AMMECR1: variants seen among roughly 807,000 people sequenced by gnomAD.
AMMECR1 encodes AMMECR nuclear protein 1, also known as nuclear protein AMMECR1.
In AMMECR1, 3 loss-of-function variants were observed where a neutral mutation model predicts 22.5. The observed-to-expected ratio is 0.13, with a 90% CI of 0.06 to 0.35. The LOEUF is 0.35. Among genes scored for constraint, AMMECR1 ranks in the 10% least tolerant of loss-of-function variants. The probability of loss-of-function intolerance (pLI) is 1.00; values close to 1 mark genes in which losing one functional copy is unlikely to be tolerated. For synonymous variants in AMMECR1, 130 were observed against 116.7 expected (o/e 1.11, Z -0.74); for missense variants, 235 against 278.7 (o/e 0.84, Z 1.12).
At chrX:110,306,240 G>A (rs1313161637) in intron 1 of AMMECR1, among the ~76,000 whole-genome samples, 2 of 110,009 alleles carry the variant, frequency 1.8e-5, no homozygotes, top group African/African-American at 3.3e-5. Flanking sequence ...CTTGCAGTGA[G>A]CCAAGATCAC....
chrX:110,218,169 G>A (rs1353883494), intron 2 of AMMECR1, among the ~76,000 whole-genome samples: 5 of 110,712 alleles, frequency 4.5e-5, no homozygotes, highest in Non-Finnish European at 7.6e-5. Flanking sequence ...AGATAAAGAC[G>A]TGTGTGTGTA....
intron 1 of AMMECR1, among the ~76,000 whole-genome samples, chrX:110,290,502 AT>A (rs1250562961): frequency 8.9e-6 from 1 of 111,749 alleles, no homozygotes; most frequent in African/African-American, 3.2e-5. Flanking sequence ...TAGAAAACAC[AT>A]TTTTTTTAAA....
chrX:110,264,722 G>A, intron 1 of AMMECR1, 123 bp from the exon 2 acceptor site: 1 of 481,747 alleles, frequency 2.1e-6, no homozygotes, highest in Non-Finnish European at 3.5e-6. Flanking sequence ...GGCCTTCAAG[G>A]GGCTCACAGG....
In AMMECR1 at chrX:110,231,014, A is replaced by G. The variant is rs187791548; in HGVS notation, c.585-14382T>C. 3.4e-3 allele frequency among the ~76,000 whole-genome samples: 379 copies of G among 112,158 alleles called. 4 individuals carry two copies. The highest frequency in any genetic ancestry group is 0.012 in the African/African-American group (361 of 30,905). On this transcript the variant is annotated intron_variant, in intron 2 of 5. Transcript: ENST00000262844. ...GTAAGAAACAAACAAAGCCTCCAAG[A>G]AATATGGGACTATGTCAAAAGACCA...
At chrX:110,384,147 T>C (rs2068438942) in intron 2 of AMMECR1, among the ~76,000 whole-genome samples, 1 of 111,753 alleles carries the variant, frequency 8.9e-6, no homozygotes, top group African/African-American at 3.3e-5. Flanking sequence ...TACTTAACTT[T>C]TGCTGTGTCT....
intron 2 of AMMECR1, among the ~76,000 whole-genome samples, chrX:110,339,058 T>C (rs1286604179): frequency 8.9e-6 from 1 of 111,738 alleles, no homozygotes; most frequent in Non-Finnish European, 1.9e-5. Flanking sequence ...CTAAGGAGGC[T>C]GGGACCTTTG....
chrX:110,326,665 T>C (rs959330954), intron 2 of AMMECR1, among the ~76,000 whole-genome samples: 8 of 112,141 alleles, frequency 7.1e-5, no homozygotes, highest in South Asian at 3.7e-4. Flanking sequence ...TGTTTCCTTA[T>C]TGAGGTGCAG....
At chrX:110,284,213 G>C (rs751202411) in intron 1 of AMMECR1, among the ~76,000 whole-genome samples, 13 of 112,166 alleles carry the variant, frequency 1.2e-4, no homozygotes, top group Non-Finnish European at 1.1e-4. Flanking sequence ...GGAAAAGCTG[G>C]TTAAGTCATG....
chrX:110,393,579 G>T (rs1426995972), intron 2 of AMMECR1, among the ~76,000 whole-genome samples: 1 of 111,707 alleles, frequency 9.0e-6, no homozygotes, highest in Non-Finnish European at 1.9e-5. Context: ...TCATCCCACT[G>T]GTGCCTCTAA....
At chrX:110,210,469 T>C (rs2067442542) in intron 3 of AMMECR1, among the ~76,000 whole-genome samples, 1 of 111,477 alleles carries the variant, frequency 9.0e-6, no homozygotes, top group Admixed American at 9.5e-5. Context: ...ACATAACATA[T>C]ACAACCAGAA....
intron 2 of AMMECR1, among the ~76,000 whole-genome samples, chrX:110,335,559 CG>C (rs1210441228): frequency 1.8e-5 from 2 of 111,595 alleles, no homozygotes; most frequent in African/African-American, 3.3e-5. Flanking sequence ...CAGCCCACCA[CG>C]GACAGCTTAG....
At chrX:110,238,457 C>T (rs1186585559) in intron 2 of AMMECR1, among the ~76,000 whole-genome samples, 3 of 112,313 alleles carry the variant, frequency 2.7e-5, no homozygotes, top group East Asian at 5.6e-4. Flanking sequence ...TGGAGGCCAC[C>T]GCAGCTCAGC....
chrX:110,384,528 T>G (rs2068441594), intron 2 of AMMECR1, among the ~76,000 whole-genome samples: 1 of 111,856 alleles, frequency 8.9e-6, no homozygotes, highest in African/African-American at 3.3e-5. Context: ...CCCTTTGCAT[T>G]TAACTTAATA....
chrX:110,249,303 TCA>T (rs748731191), intron 2 of AMMECR1, among the ~76,000 whole-genome samples: 8 of 110,691 alleles, frequency 7.2e-5, no homozygotes, highest in Admixed American at 3.8e-4. Flanking sequence ...TAAGAAGCTT[TCA>T]CCAGGGAAGG....
At chrX:110,340,752 C>T (rs1360862219) in intron 2 of AMMECR1, among the ~76,000 whole-genome samples, 1 of 112,444 alleles carries the variant, frequency 8.9e-6, no homozygotes, top group African/African-American at 3.2e-5. Context: ...GAAAATAATT[C>T]AATGGAGATT....
chrX:110,229,353 CTACTT>C (rs1283678031), intron 2 of AMMECR1, among the ~76,000 whole-genome samples: 1 of 112,024 alleles, frequency 8.9e-6, no homozygotes, highest in African/African-American at 3.2e-5. Context: ...TGAAAAGGTC[CTACTT>C]TACTTTTGTT....
At chrX:110,387,519 G>A (rs907389906) in intron 2 of AMMECR1, among the ~76,000 whole-genome samples, 1 of 112,040 alleles carries the variant, frequency 8.9e-6, no homozygotes, top group Admixed American at 9.5e-5. Context: ...AGACTTCCTA[G>A]AATCATAGTT....
chrX:110,237,771 G>A (rs1160639828), intron 2 of AMMECR1, among the ~76,000 whole-genome samples: 1 of 111,793 alleles, frequency 8.9e-6, no homozygotes, highest in Non-Finnish European at 1.9e-5. Context: ...TAAGGAAACT[G>A]AGAGAATGCT....
upstream of AMMECR1, chrX:110,318,093 C>T: frequency 2.6e-6 from 3 of 1,163,803 alleles, no homozygotes; most frequent in Non-Finnish European, 3.4e-6. Context: ...CTCCCCCACG[C>T]AGCGTTTCCG....
Sources: allele counts gnomAD v4.1 joint callset (sites outside exome capture counted in the v4.1 genomes callset), GRCh38; gene constraint gnomAD v4.1.1; transcripts MANE v1.5; gene names NCBI Gene and HGNC (gene_info 2026-07-23, HGNC 2026-07-21).